The following DCDC2 variants were observed in gnomAD, a reference collection of about 807,000 sequenced individuals.
The protein encoded by DCDC2 is doublecortin domain containing 2, also known as doublecortin domain-containing protein 2.
DCDC2 carries 40 observed loss-of-function variants against 50.2 expected under a neutral mutation model. The observed-to-expected ratio is 0.80, with a 90% CI of 0.62 to 1.04. The LOEUF is 1.04. DCDC2 is among the 50% of genes least tolerant of loss of function. DCDC2 has a pLI of 0.00. For synonymous variants in DCDC2, 234 were observed against 210.6 expected, an observed-to-expected ratio of 1.11 and a Z score of -0.96; for missense variants, 570 against 581.9, an observed-to-expected ratio of 0.98 and a Z score of 0.21.
chr6:24,175,530 T>C (rs1034742048), intron 9 of DCDC2, among the ~76,000 whole-genome samples: 2 of 152,072 alleles, frequency 1.3e-5, no homozygotes, highest in Admixed American at 6.6e-5. Flanking sequence ...AGCTCCAGGT[T>C]CCCCAAACCA....
intron 2 of DCDC2, among the ~76,000 whole-genome samples, chr6:24,346,042 G>T (rs531707615): frequency 1.5e-4 from 23 of 151,828 alleles, no homozygotes; most frequent in Middle Eastern, 3.4e-3. Flanking sequence ...AGCCAGGCGT[G>T]GTGGCACACA....
chr6:24,178,383 G>A lies in DCDC2; in HGVS notation c.1273C>T (p.Leu425=), dbSNP rs749297858. ...GACTTTCTTTCCTTGTCTAGGACCA[G>A]TTGAAGCTCATTATTAACCTGCTGC... The part of the protein sequence containing the change: ...ELQQVNNELQ[L]VLDKERKSQG... The change falls in exon 9 of 10, where the codon CTG becomes TTG. Residue 425 remains leucine (L), a synonymous_variant. Coordinates refer to ENST00000378454, the MANE Select transcript of DCDC2 (RefSeq NM_016356.5). 2.5e-6 allele frequency: 4 copies of A among 1,614,194 alleles called. No individual in the cohort carries two copies. Among genetic ancestry groups the A allele is most frequent in the Non-Finnish European group, 3.4e-6 (4 of 1,180,030 alleles).
rs1274406322 is a variant in DCDC2, at chr6:24,172,105, G to A, written c.*2625C>T. 6.6e-6 allele frequency: 1 copy of A among 152,198 alleles called. No individual in the cohort carries two copies. Among genetic ancestry groups the A allele is most frequent in the Admixed American group, 6.5e-5 (1 of 15,272 alleles). The allele number at this position is 152,198 out of a possible 1,614,324, so 9.4% of individuals were successfully genotyped here. A position where few individuals can be genotyped will look rare whatever the true frequency, so the allele number is the denominator to read the frequency against. On this transcript the variant is annotated 3_prime_UTR_variant, in exon 10 of 10. Transcript: ENST00000378454. ...GCCACGGAGACCACCATTCTCCACAGAGAAAACTGCCACATTTGTGAGGTG... is the reference window on the plus strand; with the variant it reads ...GCCACGGAGACCACCATTCTCCACAAAGAAAACTGCCACATTTGTGAGGTG...
intron 2 of DCDC2, among the ~76,000 whole-genome samples, chr6:24,335,502 G>A (rs1760042765): frequency 6.6e-6 from 1 of 152,114 alleles, no homozygotes; most frequent in Non-Finnish European, 1.5e-5. Flanking sequence ...AACCATATGT[G>A]TCTGGCAGGG....
intron 7 of DCDC2, among the ~76,000 whole-genome samples, chr6:24,209,206 C>T (rs909381481): frequency 6.6e-6 from 1 of 152,152 alleles, no homozygotes; most frequent in African/African-American, 2.4e-5. Flanking sequence ...AGTATAGATT[C>T]CATGAGAAAT....
chr6:24,375,708 T>C, the DCDC2 span, among the ~76,000 whole-genome samples: 1 of 152,192 alleles, frequency 6.6e-6, no homozygotes, highest in Non-Finnish European at 1.5e-5. Context: ...CACTCTACAA[T>C]GTTCAAGACA....
intron 8 of DCDC2, among the ~76,000 whole-genome samples, chr6:24,200,060 A>T (rs1164066138): frequency 6.6e-6 from 1 of 152,210 alleles, no homozygotes; most frequent in African/African-American, 2.4e-5. Flanking sequence ...TGATAGGGAG[A>T]ATGAAACCAA....
intron 4 of DCDC2, among the ~76,000 whole-genome samples, chr6:24,301,349 C>T (rs374035470): frequency 2.7e-5 from 3 of 112,694 alleles, no homozygotes; most frequent in African/African-American, 1.1e-4. Context: ...CCAGCCTGGG[C>T]GACAGAGCAA....
chr6:24,242,376 C>T (rs562011871), intron 7 of DCDC2, among the ~76,000 whole-genome samples: 1 of 152,056 alleles, frequency 6.6e-6, no homozygotes, highest in Admixed American at 6.5e-5. Flanking sequence ...CCACTCACCA[C>T]GCCTGCTCAT....
chr6:24,302,420 C>T (rs1470133091), intron 2 of DCDC2, among the ~76,000 whole-genome samples: 1 of 152,070 alleles, frequency 6.6e-6, no homozygotes, highest in Non-Finnish European at 1.5e-5. Flanking sequence ...GTGCCTGCAG[C>T]CCAACATACT....
chr6:24,379,021 C>G, the DCDC2 span, among the ~76,000 whole-genome samples: 2 of 150,634 alleles, frequency 1.3e-5, no homozygotes, highest in Admixed American at 6.6e-5. Flanking sequence ...GGATCCCTTC[C>G]TTACACCATA....
intron 2 of DCDC2, among the ~76,000 whole-genome samples, chr6:24,346,478 G>A (rs1404173626): frequency 2.0e-5 from 3 of 151,930 alleles, no homozygotes; most frequent in Non-Finnish European, 2.9e-5. Flanking sequence ...TACACAGTCC[G>A]GGCGTGGTGG....
At chr6:24,317,063 A>G (rs981574285) in intron 2 of DCDC2, among the ~76,000 whole-genome samples, 5 of 151,954 alleles carry the variant, frequency 3.3e-5, no homozygotes, top group Non-Finnish European at 7.4e-5. Context: ...CAAAAACACT[A>G]CATATATGCA....
intron 8 of DCDC2, among the ~76,000 whole-genome samples, chr6:24,181,116 A>G (rs548216319): frequency 3.9e-5 from 6 of 152,204 alleles, no homozygotes; most frequent in South Asian, 4.1e-4. Context: ...CAAATAGCGG[A>G]GAGTCCTAAC....
At chr6:24,263,678 C>A (rs750004372) in intron 7 of DCDC2, among the ~76,000 whole-genome samples, 11 of 152,000 alleles carry the variant, frequency 7.2e-5, no homozygotes, top group Admixed American at 7.2e-4. Context: ...AAAATACACC[C>A]TCAGAGGAGA....
At chr6:24,333,227 A>T (rs1213261687) in intron 2 of DCDC2, among the ~76,000 whole-genome samples, 1 of 152,184 alleles carries the variant, frequency 6.6e-6, no homozygotes, top group Non-Finnish European at 1.5e-5. Flanking sequence ...ATTGCATTTT[A>T]TTCTTCCAAG....
intron 6 of DCDC2, among the ~76,000 whole-genome samples, chr6:24,282,338 G>A (rs978385622): frequency 1.7e-4 from 26 of 152,030 alleles, no homozygotes; most frequent in Admixed American, 1.7e-3. Context: ...CGCCTCCCAG[G>A]TTCAAGTGAT....
chr6:24,181,637 T>C (rs1274537174), intron 8 of DCDC2, among the ~76,000 whole-genome samples: 1 of 152,174 alleles, frequency 6.6e-6, no homozygotes, highest in Middle Eastern at 3.2e-3. Flanking sequence ...GGTGAAAGAC[T>C]TGTGCAATGA....
chr6:24,339,278 C>T (rs1257453353), intron 2 of DCDC2, among the ~76,000 whole-genome samples: 7 of 152,056 alleles, frequency 4.6e-5, no homozygotes, highest in Non-Finnish European at 7.4e-5. Context: ...GGTAGCCATC[C>T]TTCCAGCAGC....
Sources: allele counts gnomAD v4.1 joint callset (sites outside exome capture counted in the v4.1 genomes callset), GRCh38; gene constraint gnomAD v4.1.1; transcripts MANE v1.5; gene names NCBI Gene and HGNC (gene_info 2026-07-23, HGNC 2026-07-21).